Variants in ATXN2L observed in about 807,000 individuals in gnomAD.
ATXN2L encodes the protein ataxin 2 like.
Under a neutral mutation model 120.7 loss-of-function variants are expected in ATXN2L, and 24 were observed. The observed-to-expected ratio is 0.20, with a 90% CI of 0.14 to 0.28. The LOEUF (loss-of-function observed/expected upper bound fraction) is 0.28. Among genes scored for constraint, ATXN2L ranks in the 10% least tolerant of loss-of-function variants. The probability of loss-of-function intolerance (pLI) is 1.00; values close to 1 mark genes in which losing one functional copy is unlikely to be tolerated. For synonymous variants in ATXN2L, 653 were observed against 568.1 expected (o/e 1.15, Z -2.13); for missense variants, 1,312 against 1,432.3 (o/e 0.92, Z 1.36).
At position 28,836,731 on chromosome 16, in the gene ATXN2L, A is replaced by G. The variant is rs774782306; in HGVS notation, c.*466A>G. ...CTTCTCTTTCCCCTCCAACCAGTTC[A>G]ATCTCATCCCTCCCAGCAGCTCCCC... On this transcript the variant is annotated 3_prime_UTR_variant, in exon 22 of 22. Transcript: ENST00000336783. The G allele has an allele frequency of 2.5e-6, 4 of 1,613,660 alleles. No individual in the cohort carries two copies. The highest frequency in any genetic ancestry group is 3.4e-6 in the Non-Finnish European group (4 of 1,179,892).
intron 5 of ATXN2L, 152 bp from the exon 6 acceptor site, chr16:28,826,710 C>T (rs763158921): frequency 1.7e-4 from 158 of 911,362 alleles, no homozygotes; most frequent in Non-Finnish European, 2.3e-4. Context: ...TCTTGCCTCC[C>T]CACCCCCTGG....
intron 20 of ATXN2L, 24 bp from the exon 21 acceptor site, chr16:28,835,525 A>G (rs1045195462): frequency 1.9e-6 from 3 of 1,612,300 alleles, no homozygotes; most frequent in Non-Finnish European, 2.5e-6. Context: ...CCTGTGTGGC[A>G]CTCAACCTTC....
Position 28,834,627 on chromosome 16 carries a change from C to T in ATXN2L, c.2367C>T (p.Pro789=). ...VAATPYSSYI[P]YNPQQFPGQP... is the part of the protein sequence containing the mutation. The stretch of plus-strand genomic sequence containing the variant: ...CCACGCCCTATTCTTCCTACATCCC[C>T]TACAACCCTCAGCAGTTCCCAGGCC... The change falls in exon 18 of 22, where the codon CCC becomes CCT. Residue 789 remains proline, a synonymous_variant. Coordinates refer to ENST00000336783, the MANE Select transcript of ATXN2L (RefSeq NM_007245.4). 1.2e-6 allele frequency: 2 copies of T among 1,613,984 alleles called. No homozygotes were observed. Among genetic ancestry groups the T allele is most frequent in the Non-Finnish European group, 1.7e-6 (2 of 1,180,014 alleles).
Position 28,834,047 on chromosome 16 carries a change from C to A in ATXN2L, c.2026-18C>A, listed in dbSNP as rs773208614. 3 of 1,608,400 alleles carry A rather than the reference C, an allele frequency of 1.9e-6. No individual in the cohort carries two copies. Among genetic ancestry groups the A allele is most frequent in the Non-Finnish European group, 1.7e-6 (2 of 1,177,822 alleles). ...AGGGGAAAATACAAAATAAAATTGTCCTCCCTTGTTTTTGCAGAATAAATC... is the reference window on the plus strand; with the variant it reads ...AGGGGAAAATACAAAATAAAATTGTACTCCCTTGTTTTTGCAGAATAAATC... On this transcript the variant is annotated intron_variant, in intron 15 of 21. Coordinates refer to ENST00000336783, the MANE Select transcript of ATXN2L (RefSeq NM_007245.4).
intron 12 of ATXN2L, 40 bp from the exon 13 acceptor site, chr16:28,832,776 GA>G: frequency 6.2e-7 from 1 of 1,602,160 alleles, no homozygotes; most frequent in Non-Finnish European, 8.6e-7. Context: ...CTTAGAGAAA[GA>G]ATGTTTTGTA....
At position 28,830,609 on chromosome 16, in the gene ATXN2L, C is replaced by G; in HGVS notation, c.1035-6C>G. 6.4e-7 allele frequency: 1 copy of G among 1,557,186 alleles called. No homozygotes were observed. The highest frequency in any genetic ancestry group is 1.2e-5 in the South Asian group (1 of 84,358). ...CTACCTGGCCTTATTTGAACTCTTT[C>G]CTCAGGGAGGGGAAGTATATCCCTC... is the stretch of plus-strand genomic sequence containing the variant. On this transcript the variant is annotated splice_polypyrimidine_tract_variant and splice_region_variant and intron_variant, in intron 8 of 21. Coordinates refer to ENST00000336783, the MANE Select transcript of ATXN2L (RefSeq NM_007245.4).
In ATXN2L at chr16:28,836,542, CAT is replaced by C; in HGVS notation, c.*278_*279del. The C allele has an allele frequency of 6.3e-7, 1 of 1,583,050 alleles. No individual in the cohort carries two copies. Among genetic ancestry groups the C allele is most frequent in the African/African-American group, 1.3e-5 (1 of 74,300 alleles). On this transcript the variant is annotated 3_prime_UTR_variant, in exon 22 of 22. Coordinates refer to ENST00000336783, the MANE Select transcript of ATXN2L (RefSeq NM_007245.4). The stretch of plus-strand genomic sequence containing the variant: ...GGGGTGTGGGGGGCTGAGCTGGGCA[CAT>C]GAGTGAGGGCTCTGGCTTACTGGGA...
chr16:28,836,523 T>TG lies in ATXN2L; in HGVS notation c.*264dup, dbSNP rs761702634. On this transcript the variant is annotated 3_prime_UTR_variant, in exon 22 of 22. Transcript: ENST00000336783. ...CAGCAGACAGGGCCAGACTGGGGTG[T>TG]GGGGGGCTGAGCTGGGCACATGAGT... The TG allele has an allele frequency of 1.8e-5, 28 of 1,594,972 alleles. No homozygotes were observed. The African/African-American group carries it at 3.6e-4, about 21-fold the overall frequency.
In ATXN2L at chr16:28,833,193, C is replaced by T. The variant is rs1253850412; in HGVS notation, c.1794C>T (p.Ser598=). ...AGCCCATGGGGTCTCCCGTCTCCTC[C>T]AAGACAGAGTCCGTATCGGATAAGG... The part of the protein sequence containing the change: ...TSEPMGSPVS[S]KTESVSDKED... Residue 598 remains serine, a synonymous_variant, in exon 14 of 22, where the codon TCC becomes TCT. Coordinates refer to ENST00000336783, the MANE Select transcript of ATXN2L (RefSeq NM_007245.4). 4.3e-6 allele frequency: 7 copies of T among 1,614,196 alleles called. No homozygotes were observed. The highest frequency in any genetic ancestry group is 5.9e-6 in the Non-Finnish European group (7 of 1,180,046).
In ATXN2L at chr16:28,833,544, T is replaced by C. The variant is rs368502666; in HGVS notation, c.2025+36T>C. 2.1e-3 allele frequency: 3,325 copies of C among 1,606,520 alleles called. 3 individuals are homozygous for C. The highest frequency in any genetic ancestry group is 2.7e-3 in the Non-Finnish European group (3,161 of 1,173,486). On this transcript the variant is annotated intron_variant, in intron 15 of 21. Coordinates refer to ENST00000336783, the MANE Select transcript of ATXN2L (RefSeq NM_007245.4). ...ACAGGAGAATGTGGACTTTGGTTTC[T>C]GTGGGGAGACTTGGGCAGTGCTTAT...
rs2152070995 is a variant in ATXN2L, at chr16:28,832,221, C to T, written c.1338C>T (p.Pro446=). ...PPPPAVGRMY[P]PRSPKSAAPA... is the part of the protein sequence containing the mutation. ...TTCTTCCAGTGGGCCGGATGTATCC[C>T]CCGCGTTCTCCCAAGTCTGCTGCCC... The change falls in exon 11 of 22, where the codon CCC becomes CCT. Residue 446 remains proline, a synonymous_variant. Transcript: ENST00000336783. The T allele has an allele frequency of 3.7e-6, 6 of 1,614,118 alleles. No homozygotes were observed. The East Asian group carries it at 1.1e-4, about 30-fold the overall frequency.
chr16:28,835,904 C>A, intron 21 of ATXN2L, 29 bp from the exon 22 acceptor site: 1 of 1,551,326 alleles, frequency 6.4e-7, no homozygotes. Context: ...ATTCTGTGGT[C>A]TTCCCGGCTA....
At chr16:28,826,075 T>G in intron 4 of ATXN2L, 165 bp from the exon 5 acceptor site, 1 of 903,318 alleles carries the variant, frequency 1.1e-6, no homozygotes, top group Non-Finnish European at 1.7e-6. Flanking sequence ...TGGCTGATGT[T>G]GAGAAAACAA....
In ATXN2L at chr16:28,834,490, C is replaced by T. The variant is rs1269655261; in HGVS notation, c.2246-16C>T. On this transcript the variant is annotated splice_polypyrimidine_tract_variant and intron_variant, in intron 17 of 21. Coordinates refer to ENST00000336783, the MANE Select transcript of ATXN2L (RefSeq NM_007245.4). ...GCAGGTGGAGCTTGAGCTCTCCTCT[C>T]CTCCTCCTCTTCCAGGCTCCCTTCC... 26 of 1,611,926 alleles carry T rather than the reference C, an allele frequency of 1.6e-5. No homozygotes were observed. Among genetic ancestry groups the T allele is most frequent in the Non-Finnish European group, 2.5e-6 (3 of 1,179,252 alleles).
intron 6 of ATXN2L, among the ~76,000 whole-genome samples, chr16:28,828,291 C>T (rs890765892): frequency 1.3e-5 from 2 of 152,080 alleles, no homozygotes; most frequent in African/African-American, 4.8e-5. Flanking sequence ...TGTTAGTAAT[C>T]ATTAACAGTT....
Position 28,826,999 on chromosome 16 carries a change from T to C in ATXN2L, c.741+13T>C. On this transcript the variant is annotated intron_variant, in intron 6 of 21. Transcript: ENST00000336783. ...CGAGTCTGACATGGTATAGCCTCCT[T>C]CCCTGAGAACTTGGGAGCTGGACAG... The C allele has an allele frequency of 6.9e-7, 1 of 1,450,832 alleles. No homozygotes were observed. The highest frequency in any genetic ancestry group is 9.2e-7 in the Non-Finnish European group (1 of 1,087,012). 89.9% of individuals were successfully genotyped at this position (1,450,832 alleles called of 1,614,324 possible).
intron 11 of ATXN2L, 44 bp from the exon 12 acceptor site, chr16:28,832,452 T>G: frequency 6.2e-7 from 1 of 1,612,628 alleles, no homozygotes; most frequent in South Asian, 1.1e-5. Context: ...TGATTTGTGG[T>G]TCTGGACAGA....
chr16:28,826,517 T>A, intron 5 of ATXN2L, 127 bp downstream of exon 5: 2 of 1,139,628 alleles, frequency 1.8e-6, no homozygotes, highest in Non-Finnish European at 2.5e-6. Flanking sequence ...TGTTTTGCTT[T>A]AATGCCTTTT....
At position 28,833,307 on chromosome 16, in the gene ATXN2L, G is replaced by C; in HGVS notation, c.1908G>C (p.Pro636=). ...PPCPSQTGSP[P]VGLIKGEDKD... ...GTCCAAGCCAAACTGGCAGCCCCCC[G>C]GTGGGCCTCATCAAGGGAGAAGACA... Residue 636 remains proline (P), a synonymous_variant, in exon 14 of 22, where the codon CCG becomes CCC. Coordinates refer to ENST00000336783, the MANE Select transcript of ATXN2L (RefSeq NM_007245.4). 1 of 1,614,096 alleles carries C rather than the reference G, an allele frequency of 6.2e-7. No homozygotes were observed. The highest frequency in any genetic ancestry group is 8.5e-7 in the Non-Finnish European group (1 of 1,179,964).
Sources: allele counts gnomAD v4.1 joint callset (sites outside exome capture counted in the v4.1 genomes callset), GRCh38; gene constraint gnomAD v4.1.1; transcripts MANE v1.5; gene names NCBI Gene and HGNC (gene_info 2026-07-23, HGNC 2026-07-21).